The following HEMK2 variants were observed in gnomAD, a reference collection of about 807,000 sequenced individuals.
HEMK2 encodes methyltransferase HEMK2.
At chr21:28,864,923 T>TAGATAGATAGATAGATAGATAGAC in the HEMK2 span, among the ~76,000 whole-genome samples, 886 of 123,818 alleles carry the variant, frequency 7.2e-3, 9 homozygotes, top group East Asian at 0.033. Flanking sequence ...TATAGATAGA[T>TAGATAGATAGATAGATAGATAGAC]AGACAGACAG....
At chr21:28,831,670 AGAAAGAAAGAAAGAAGGAAGGAAG>A in the HEMK2 span, among the ~76,000 whole-genome samples, 5 of 56,608 alleles carry the variant, frequency 8.8e-5, no homozygotes, top group African/African-American at 4.3e-4. Flanking sequence ...AAAGAAAGAA[AGAAAGAAAGAAAGAAGGAAGGAAG>A]GAAGGAAGGA....
the HEMK2 span, among the ~76,000 whole-genome samples, chr21:28,700,678 C>T: frequency 6.6e-6 from 1 of 152,062 alleles, no homozygotes; most frequent in Non-Finnish European, 1.5e-5. Flanking sequence ...AGAAAAAGTC[C>T]AGGACCAGAA....
chr21:28,726,849 C>T, the HEMK2 span, among the ~76,000 whole-genome samples: 3 of 135,030 alleles, frequency 2.2e-5, no homozygotes, highest in East Asian at 2.2e-4. Context: ...CCAGCCTGGG[C>T]AACAGAGTAG....
At chr21:28,592,418 T>G in the HEMK2 span, among the ~76,000 whole-genome samples, 1 of 152,310 alleles carries the variant, frequency 6.6e-6, no homozygotes, top group African/African-American at 2.4e-5. Flanking sequence ...AAAGATGATG[T>G]CATTAACACG....
chr21:28,709,559 T>C, the HEMK2 span, among the ~76,000 whole-genome samples: 1 of 152,184 alleles, frequency 6.6e-6, no homozygotes, highest in African/African-American at 2.4e-5. Flanking sequence ...TATCCTTATT[T>C]ATATAATTTA....
chr21:28,791,588 G>GA, the HEMK2 span, among the ~76,000 whole-genome samples: 2 of 152,122 alleles, frequency 1.3e-5, no homozygotes, highest in African/African-American at 4.8e-5. Context: ...ATGTTTAATA[G>GA]AAACATACAA....
chr21:28,757,022 A>G, the HEMK2 span, among the ~76,000 whole-genome samples: 1 of 152,238 alleles, frequency 6.6e-6, no homozygotes, highest in Non-Finnish European at 1.5e-5. Flanking sequence ...CTGGATAGTT[A>G]GTATTGCTTT....
At chr21:28,721,682 G>C in the HEMK2 span, among the ~76,000 whole-genome samples, 1 of 151,964 alleles carries the variant, frequency 6.6e-6, no homozygotes, top group Non-Finnish European at 1.5e-5. Context: ...TACTTACTCT[G>C]AGCCAGGCAC....
At chr21:28,714,600 C>G in the HEMK2 span, among the ~76,000 whole-genome samples, 1 of 152,176 alleles carries the variant, frequency 6.6e-6, no homozygotes, top group Non-Finnish European at 1.5e-5. Flanking sequence ...TCTACTGTGA[C>G]AAAGAGTTGA....
chr21:28,798,143 CT>C, the HEMK2 span, among the ~76,000 whole-genome samples: 4 of 152,188 alleles, frequency 2.6e-5, no homozygotes, highest in Admixed American at 6.5e-5. Context: ...GCAACCGCTA[CT>C]TTCAGTGCTT....
At chr21:28,730,391 C>T in the HEMK2 span, among the ~76,000 whole-genome samples, 1 of 99,210 alleles carries the variant, frequency 1.0e-5, no homozygotes, top group African/African-American at 6.7e-5. Flanking sequence ...CAGACACACA[C>T]ACACACACAC....
chr21:28,866,175 A>AAACAAAAAAAC, the HEMK2 span, among the ~76,000 whole-genome samples: 12 of 76,248 alleles, frequency 1.6e-4, 1 homozygote, highest in African/African-American at 6.1e-4. Flanking sequence ...CAAAAAAAAA[A>AAACAAAAAAAC]ACACACACAC....
the HEMK2 span, among the ~76,000 whole-genome samples, chr21:28,667,335 A>G: frequency 6.6e-6 from 1 of 152,226 alleles, no homozygotes; most frequent in Non-Finnish European, 1.5e-5. Context: ...GTGAAATGAG[A>G]AGCCATAATT....
chr21:28,878,722 T>C, the HEMK2 span, among the ~76,000 whole-genome samples: 1 of 151,848 alleles, frequency 6.6e-6, no homozygotes, highest in South Asian at 2.1e-4. Flanking sequence ...TAATAAGTTA[T>C]TACTATTAAT....
At chr21:28,758,020 T>A in the HEMK2 span, among the ~76,000 whole-genome samples, 1 of 152,240 alleles carries the variant, frequency 6.6e-6, no homozygotes, top group African/African-American at 2.4e-5. Context: ...TAAATATGCA[T>A]TCTCAGTAAT....
the HEMK2 span, among the ~76,000 whole-genome samples, chr21:28,769,515 G>C: frequency 2.0e-5 from 3 of 152,146 alleles, no homozygotes; most frequent in East Asian, 5.8e-4. Context: ...TTCTACTCCA[G>C]ATGTAAATTT....
At chr21:28,794,576 T>A in the HEMK2 span, among the ~76,000 whole-genome samples, 2 of 152,246 alleles carry the variant, frequency 1.3e-5, no homozygotes, top group Admixed American at 6.5e-5. Flanking sequence ...ACTGCATATT[T>A]GAGAATTTCA....
chr21:28,623,669 T>C, the HEMK2 span, among the ~76,000 whole-genome samples: 1 of 152,118 alleles, frequency 6.6e-6, no homozygotes, highest in East Asian at 1.9e-4. Flanking sequence ...AAAGGATGAG[T>C]TCATGTCCTT....
the HEMK2 span, among the ~76,000 whole-genome samples, chr21:28,794,441 A>G: frequency 6.6e-6 from 1 of 152,252 alleles, no homozygotes; most frequent in Admixed American, 6.5e-5. Flanking sequence ...TTCAACAGGA[A>G]TGTTTATGAG....
Sources: allele counts gnomAD v4.1 joint callset (sites outside exome capture counted in the v4.1 genomes callset), GRCh38; gene constraint gnomAD v4.1.1; transcripts MANE v1.5; gene names NCBI Gene and HGNC (gene_info 2026-07-23, HGNC 2026-07-21).